Variants in STRN3 observed in about 807,000 individuals in gnomAD.
STRN3 encodes striatin-3.
A neutral mutation model predicts 95.6 loss-of-function variants in STRN3; 29 were observed. The ratio of observed to expected loss-of-function variants is 0.30; its 90% CI spans 0.23 to 0.41. The LOEUF (loss-of-function observed/expected upper bound fraction) is 0.41. STRN3 is among the 10% of genes least tolerant of loss of function. The pLI, the probability that STRN3 is intolerant of heterozygous loss-of-function variation, is 1.00. For synonymous variants in STRN3, 331 were observed against 357.6 expected (o/e 0.93, Z 0.84); for missense variants, 890 against 972.1 (o/e 0.92, Z 1.12).
At chr14:31,009,739 A>T (rs1181751660) in intron 1 of STRN3, among the ~76,000 whole-genome samples, 1 of 152,140 alleles carries the variant, frequency 6.6e-6, no homozygotes, top group Admixed American at 6.6e-5. Context: ...AACACAAAAA[A>T]ATTTAAATAC....
intron 3 of STRN3, among the ~76,000 whole-genome samples, chr14:30,952,563 G>A (rs1879699136): frequency 6.6e-6 from 1 of 151,964 alleles, no homozygotes; most frequent in Admixed American, 6.6e-5. Context: ...AGCCAGGCAT[G>A]GTGGCACGTG....
intron 1 of STRN3, among the ~76,000 whole-genome samples, chr14:30,978,859 C>G (rs7158412): frequency 0.056 from 8,543 of 151,780 alleles, 435 homozygotes; most frequent in East Asian, 0.21. Context: ...ATGGTGAAAC[C>G]CTGTCTCTAC....
At chr14:30,962,345 G>A (rs1462191642) in intron 1 of STRN3, among the ~76,000 whole-genome samples, 2 of 152,086 alleles carry the variant, frequency 1.3e-5, no homozygotes, top group Non-Finnish European at 1.5e-5. Context: ...AATGATTATG[G>A]TAAGCTATTA....
At chr14:30,909,464 A>G (rs1433393610) in intron 13 of STRN3, among the ~76,000 whole-genome samples, 1 of 151,800 alleles carries the variant, frequency 6.6e-6, no homozygotes, top group Non-Finnish European at 1.5e-5. Context: ...ACAGAGCAAG[A>G]CTGTTTCCAA....
At chr14:30,968,934 C>T (rs963467805) in intron 1 of STRN3, among the ~76,000 whole-genome samples, 16 of 151,994 alleles carry the variant, frequency 1.1e-4, no homozygotes, top group Non-Finnish European at 1.2e-4. Flanking sequence ...TTTTTACCTA[C>T]ATTAAAAGGT....
intron 1 of STRN3, among the ~76,000 whole-genome samples, chr14:31,013,039 G>T (rs926263177): frequency 1.3e-5 from 2 of 152,010 alleles, no homozygotes; most frequent in African/African-American, 4.8e-5. Flanking sequence ...TGGGCAGAAT[G>T]CTTGAGCTCA....
chr14:30,912,261 G>A, intron 10 of STRN3, 79 bp from the exon 11 acceptor site: 1 of 1,413,750 alleles, frequency 7.1e-7, no homozygotes. Flanking sequence ...GTTTCTTTTT[G>A]GTGTGTTTAA....
chr14:31,011,383 T>C (rs945109351), intron 1 of STRN3, among the ~76,000 whole-genome samples: 1 of 152,326 alleles, frequency 6.6e-6, no homozygotes, highest in Admixed American at 6.5e-5. Flanking sequence ...TATACATACC[T>C]GTAATTCCAG....
intron 1 of STRN3, among the ~76,000 whole-genome samples, chr14:31,013,646 A>G (rs549957721): frequency 6.6e-6 from 1 of 151,852 alleles, no homozygotes; most frequent in African/African-American, 2.4e-5. Flanking sequence ...CAGGCTGAAG[A>G]GCAGTGGTGT....
In STRN3 at chr14:30,997,197, C is replaced by T. The variant is rs577909403; in HGVS notation, c.282+28707G>A. Among the ~76,000 whole-genome samples the T allele has an allele frequency of 1.2e-4, 18 of 152,142 alleles. 1 individual carries two copies. Among genetic ancestry groups the T allele is most frequent in the Admixed American group, 5.9e-4 (9 of 15,280 alleles). ...GCATGGAAAAAGGAAATAACAGGGACGCTGAAAAATGGGAGGGGGACATGA... is the reference window on the plus strand; with the variant it reads ...GCATGGAAAAAGGAAATAACAGGGATGCTGAAAAATGGGAGGGGGACATGA... On this transcript the variant is annotated intron_variant, in intron 1 of 17. Coordinates refer to ENST00000357479, the MANE Select transcript of STRN3 (RefSeq NM_001083893.2).
chr14:30,930,484 C>T (rs1361792859), intron 7 of STRN3, among the ~76,000 whole-genome samples: 4 of 152,048 alleles, frequency 2.6e-5, no homozygotes, highest in Non-Finnish European at 5.9e-5. Context: ...ATATTTACTG[C>T]GCCTTGAGTT....
intron 3 of STRN3, among the ~76,000 whole-genome samples, chr14:30,955,395 C>T (rs1010164135): frequency 3.3e-5 from 5 of 152,156 alleles, no homozygotes; most frequent in Admixed American, 2.0e-4. Flanking sequence ...TGCAACCACA[C>T]TTTTACACAG....
intron 1 of STRN3, among the ~76,000 whole-genome samples, chr14:31,008,385 G>A (rs2139312194): frequency 6.8e-6 from 1 of 148,038 alleles, no homozygotes; most frequent in East Asian, 2.1e-4. Flanking sequence ...GTACACGCCT[G>A]TAGTCCCAGC....
At chr14:30,994,439 T>C (rs1882106740) in intron 1 of STRN3, among the ~76,000 whole-genome samples, 1 of 152,222 alleles carries the variant, frequency 6.6e-6, no homozygotes, top group South Asian at 2.1e-4. Flanking sequence ...TAATATTACA[T>C]AAATTATTTC....
At chr14:30,995,117 A>C (rs1882138543) in intron 1 of STRN3, among the ~76,000 whole-genome samples, 1 of 152,260 alleles carries the variant, frequency 6.6e-6, no homozygotes, top group Non-Finnish European at 1.5e-5. Flanking sequence ...TAAATAATGA[A>C]GTTTCCATTA....
chr14:30,941,541 A>T (rs1044587676), intron 5 of STRN3, among the ~76,000 whole-genome samples: 2 of 152,202 alleles, frequency 1.3e-5, no homozygotes, highest in African/African-American at 4.8e-5. Context: ...GGTGGAAAAT[A>T]CACTACCATT....
chr14:30,913,627 C>A lies in STRN3; in HGVS notation c.1271G>T (p.Gly424Val). The A allele has an allele frequency of 6.2e-7, 1 of 1,613,786 alleles. No homozygotes were observed. The highest frequency in any genetic ancestry group is 1.1e-5 in the South Asian group (1 of 91,044). ...AEPITFPSGG[G>V]KSFIMGSDDV... ...ATCAGAACCCATAATAAATGACTTG[C>A]CTCCTCCAGATGGAAACGTTATTGG... is the stretch of plus-strand genomic sequence containing the variant. Residue 424 changes from glycine to valine, a missense_variant, in exon 10 of 18, where the codon GGC (glycine) becomes GTC (valine). Transcript: ENST00000357479.
chr14:30,956,209 C>T lies in STRN3; in HGVS notation c.316G>A (p.Gly106Ser). 6.2e-7 allele frequency: 1 copy of T among 1,613,846 alleles called. No homozygotes were observed. Among genetic ancestry groups the T allele is most frequent in the Non-Finnish European group, 8.5e-7 (1 of 1,179,940 alleles). The change falls in exon 2 of 18, where the codon GGT (glycine) becomes AGT (serine). Residue 106 changes from glycine to serine, a missense_variant. Physicochemically the swap from Gly to Ser is moderately conservative, Grantham distance 56. Around this residue, in one of 3 missense-constraint regions of STRN3, gnomAD observed 526 missense variants for 526.3 expected, o/e 1.00. Coordinates refer to ENST00000357479, the MANE Select transcript of STRN3 (RefSeq NM_001083893.2). ...RIAFLQGERK[G>S]QENLKKDLVR... ...AAGTCCTTCTTCAGGTTCTCTTGAC[C>T]TTTTCTTTCGCCTTGTAGAAATGCA...
chr14:30,952,134 G>A (rs1879677617), intron 3 of STRN3, among the ~76,000 whole-genome samples: 1 of 132,922 alleles, frequency 7.5e-6, no homozygotes. Context: ...CAAAAAAAAA[G>A]AGTTTAATAA....
Sources: allele counts gnomAD v4.1 joint callset (sites outside exome capture counted in the v4.1 genomes callset), GRCh38; gene constraint gnomAD v4.1.1; regional missense constraint gnomAD v4.1.1; transcripts MANE v1.5; gene names NCBI Gene and HGNC (gene_info 2026-07-23, HGNC 2026-07-21).